The following CTNNA3 variants were observed in gnomAD, a reference collection of about 807,000 sequenced individuals.
CTNNA3 encodes catenin alpha 3.
CTNNA3 carries 76 observed loss-of-function variants against 95.7 expected under a neutral mutation model. That is an observed-to-expected ratio of 0.79 (90% CI 0.66 to 0.96). The LOEUF is 0.96. CTNNA3 is among the 40% of genes least tolerant of loss of function. CTNNA3 has a pLI of 0.00. For synonymous variants in CTNNA3, 431 were observed against 374.4 expected (o/e 1.15, Z -1.74); for missense variants, 1,191 against 1,089.8 (o/e 1.09, Z -1.31).
chr10:67,670,229 ACT>A (rs1008096397), intron 1 of CTNNA3, among the ~76,000 whole-genome samples: 5 of 152,060 alleles, frequency 3.3e-5, no homozygotes, highest in African/African-American at 7.2e-5. Flanking sequence ...TTTCTCCCAC[ACT>A]CTCTGTTTCC....
At chr10:66,886,580 T>A (rs1845054088) in intron 7 of CTNNA3, among the ~76,000 whole-genome samples, 1 of 152,188 alleles carries the variant, frequency 6.6e-6, no homozygotes, top group Admixed American at 6.5e-5. Flanking sequence ...CGACATGTTA[T>A]GAATTCTACC....
intron 5 of CTNNA3, among the ~76,000 whole-genome samples, chr10:67,378,373 T>A (rs570678101): frequency 1.1e-4 from 17 of 152,186 alleles, no homozygotes; most frequent in Non-Finnish European, 1.8e-4. Flanking sequence ...ACATCCTACA[T>A]AACCAGGTAT....
chr10:67,684,467 T>G (rs1030146154), intron 1 of CTNNA3, among the ~76,000 whole-genome samples: 1 of 152,110 alleles, frequency 6.6e-6, no homozygotes, highest in African/African-American at 2.4e-5. Flanking sequence ...AGACAGAAAA[T>G]TCTCCAAGTC....
intron 9 of CTNNA3, among the ~76,000 whole-genome samples, chr10:66,757,902 C>CA (rs576955138): frequency 2.1e-4 from 32 of 152,168 alleles, no homozygotes; most frequent in African/African-American, 7.7e-4. Context: ...TCCTTATCAG[C>CA]AAAATGGTAA....
At chr10:67,282,555 C>T (rs1015270892) in intron 5 of CTNNA3, among the ~76,000 whole-genome samples, 2 of 152,222 alleles carry the variant, frequency 1.3e-5, no homozygotes. Context: ...TCTTTTCTCA[C>T]ATTTTATGTT....
intron 17 of CTNNA3, among the ~76,000 whole-genome samples, chr10:65,957,388 C>T (rs1438060523): frequency 1.3e-5 from 2 of 152,150 alleles, no homozygotes; most frequent in Non-Finnish European, 2.9e-5. Context: ...AGCCCATTTG[C>T]ATTTAAGGTT....
intron 17 of CTNNA3, among the ~76,000 whole-genome samples, chr10:65,933,963 T>G: frequency 6.6e-6 from 1 of 152,152 alleles, no homozygotes; most frequent in East Asian, 1.9e-4. Context: ...AAGAGAATGC[T>G]CAGTCTCTTA....
chr10:67,492,714 C>G (rs1838891414), intron 5 of CTNNA3, among the ~76,000 whole-genome samples: 1 of 152,192 alleles, frequency 6.6e-6, no homozygotes, highest in Non-Finnish European at 1.5e-5. Flanking sequence ...CCTGTGAGCT[C>G]TAGGGGAAAA....
rs531781978 is a variant in CTNNA3, at chr10:66,209,667, G to GA, written c.1884+70802dup. On this transcript the variant is annotated intron_variant, in intron 13 of 17. Coordinates refer to ENST00000433211, the MANE Select transcript of CTNNA3 (RefSeq NM_013266.4). ...TTAGAAGACATGTTTTGAAGAGCAT[G>GA]AAAAAAATAGAGGAGTCAGGGATAA... 6.8e-4 allele frequency among the ~76,000 whole-genome samples: 103 copies of GA among 152,090 alleles called. No individual in the cohort carries two copies. In the South Asian group the frequency reaches 0.011, roughly 16 times the overall value.
Position 65,920,276 on chromosome 10 carries a change from C to A in CTNNA3, c.*54G>T. ...AGAACTTCTTAAGTGTAAAATAAAG[C>A]AGTGTGGTTAGGCAGGATTTTGTCA... is the stretch of plus-strand genomic sequence containing the variant. On this transcript the variant is annotated 3_prime_UTR_variant, in exon 18 of 18. Coordinates refer to ENST00000433211, the MANE Select transcript of CTNNA3 (RefSeq NM_013266.4). 2.1e-6 allele frequency: 3 copies of A among 1,420,840 alleles called. No individual in the cohort carries two copies. The highest frequency in any genetic ancestry group is 2.6e-5 in the South Asian group (2 of 77,948). 88.0% of individuals were successfully genotyped at this position (1,420,840 alleles called of 1,614,324 possible).
intron 11 of CTNNA3, among the ~76,000 whole-genome samples, chr10:66,435,285 T>A (rs527310571): frequency 5.2e-4 from 79 of 152,280 alleles, no homozygotes; most frequent in African/African-American, 1.8e-3. Flanking sequence ...CTGGGCTTTT[T>A]TTTGGTTGGT....
At chr10:67,144,955 G>A (rs1490692961) in intron 7 of CTNNA3, among the ~76,000 whole-genome samples, 2 of 152,110 alleles carry the variant, frequency 1.3e-5, no homozygotes, top group East Asian at 1.9e-4. Flanking sequence ...TTGATTTAAA[G>A]AGACGTGCGG....
rs1056085803 is a variant in CTNNA3, at chr10:66,987,950, C to T, written c.1047+192367G>A. On this transcript the variant is annotated intron_variant, in intron 7 of 17. Transcript: ENST00000433211. Reference sequence around the variant, plus strand: ...TTCAAATGATCTTTTAAAAACATTTCTATCATAACAAATGTGGGTTACCAA... The same window carrying T: ...TTCAAATGATCTTTTAAAAACATTTTTATCATAACAAATGTGGGTTACCAA... 1.3e-5 allele frequency among the ~76,000 whole-genome samples: 2 copies of T among 152,226 alleles called. 1 individual carries two copies. The highest frequency in any genetic ancestry group is 1.3e-4 in the Admixed American group (2 of 15,296).
At chr10:66,180,161 A>T (rs913011350) in intron 13 of CTNNA3, among the ~76,000 whole-genome samples, 8 of 152,166 alleles carry the variant, frequency 5.3e-5, no homozygotes, top group African/African-American at 1.9e-4. Flanking sequence ...GTGCACACAG[A>T]TACATAAACA....
At chr10:67,371,063 T>G (rs1366459083) in intron 5 of CTNNA3, among the ~76,000 whole-genome samples, 3 of 151,636 alleles carry the variant, frequency 2.0e-5, no homozygotes, top group Non-Finnish European at 2.9e-5. Flanking sequence ...AGACGGGGTT[T>G]CACCGTTTTA....
chr10:66,633,679 C>CA lies in CTNNA3; in HGVS notation c.1282-11896dup, dbSNP rs112224526. Among the ~76,000 whole-genome samples the CA allele has an allele frequency of 4.6e-3, 669 of 144,930 alleles. 4 individuals are homozygous for CA. The highest frequency in any genetic ancestry group is 0.021 in the Middle Eastern group (6 of 288). On this transcript the variant is annotated intron_variant, in intron 9 of 17. Coordinates refer to ENST00000433211, the MANE Select transcript of CTNNA3 (RefSeq NM_013266.4). The stretch of plus-strand genomic sequence containing the variant: ...TGGGCAACAGAGCAAGACTCCATCT[C>CA]AAAAAAAAAAATTATTTACTTAAAA...
At chr10:67,594,851 C>G (rs1201626565) in intron 3 of CTNNA3, among the ~76,000 whole-genome samples, 1 of 151,782 alleles carries the variant, frequency 6.6e-6, no homozygotes, top group African/African-American at 2.4e-5. Context: ...TACACTGTAC[C>G]CAGTTTGTAG....
intron 9 of CTNNA3, among the ~76,000 whole-genome samples, chr10:66,756,545 A>C (rs1839367442): frequency 2.0e-5 from 3 of 152,076 alleles, no homozygotes. Flanking sequence ...ACAGCTACAG[A>C]TTTAACTAGG....
chr10:67,078,806 G>T (rs190002514), intron 7 of CTNNA3, among the ~76,000 whole-genome samples: 4 of 152,084 alleles, frequency 2.6e-5, no homozygotes, highest in Non-Finnish European at 5.9e-5. Flanking sequence ...GTGAGCCACC[G>T]CACCCGGCCC....
Sources: gnomAD v4.1 joint callset for allele counts (sites outside exome capture counted in the v4.1 genomes callset) on GRCh38, gnomAD v4.1.1 for gene constraint, MANE v1.5 for transcripts, NCBI Gene and HGNC (gene_info 2026-07-23, HGNC 2026-07-21) for gene names.